Variants in MAST3 observed in about 807,000 individuals in gnomAD.
MAST3 encodes the protein microtubule associated serine/threonine kinase 3.
MAST3 carries 43 observed loss-of-function variants against 127.0 expected under a neutral mutation model. The observed-to-expected ratio is 0.34, with a 90% CI of 0.27 to 0.44. The LOEUF (loss-of-function observed/expected upper bound fraction) is 0.44, where lower values mean the gene tolerates loss of function less well. Among genes scored for constraint, MAST3 ranks in the 20% least tolerant of loss-of-function variants. The pLI, the probability that MAST3 is intolerant of heterozygous loss-of-function variation, is 1.00. For missense variants in MAST3, 1,390 were observed against 1,919.1 expected, an observed-to-expected ratio of 0.72 and a Z score of 5.15; for synonymous variants, 785 against 809.2, an observed-to-expected ratio of 0.97 and a Z score of 0.51.
chr19:18,147,002 G>C lies in MAST3; in HGVS notation c.3284G>C (p.Arg1095Pro), dbSNP rs368995098. The C allele has an allele frequency of 1.3e-6, 2 of 1,573,930 alleles. No individual in the cohort carries two copies. The highest frequency in any genetic ancestry group is 1.3e-5 in the African/African-American group (1 of 74,114). ...CGCAGGAGCAAGAGGAGCCGTCGGC[G>C]GGAGACCCAGGATCGGTGCGCGGCA... The part of the protein sequence containing the change: ...MARRSKRSRR[R>P]ETQDRCAAVT... The change falls in exon 26 of 28, where the codon CGG (arginine) becomes CCG (proline). Residue 1095 changes from arginine to proline, a missense_variant. Around this residue, in one of 5 missense-constraint regions of MAST3, gnomAD observed 816 missense variants for 934.1 expected, o/e 0.87. Transcript: ENST00000687212.
intron 21 of MAST3, among the ~76,000 whole-genome samples, chr19:18,142,989 G>A (rs746096285): frequency 6.6e-6 from 1 of 151,274 alleles, no homozygotes; most frequent in African/African-American, 2.4e-5. Context: ...GTGCACGCCT[G>A]TAATCCCAGC....
At chr19:18,136,191 C>T (rs982578263) in intron 18 of MAST3, among the ~76,000 whole-genome samples, 1 of 152,208 alleles carries the variant, frequency 6.6e-6, no homozygotes, top group African/African-American at 2.4e-5. Flanking sequence ...GTTTGAGACT[C>T]ATGCAGCCAC....
chr19:18,122,179 A>C lies in MAST3; in HGVS notation c.320+257A>C, dbSNP rs1001649146. 2.6e-5 allele frequency: 25 copies of C among 953,994 alleles called. No individual in the cohort carries two copies. In the Admixed American group the frequency reaches 6.2e-4, roughly 24 times the overall value. The allele number at this position is 953,994 out of a possible 1,614,324, so 59.1% of individuals were successfully genotyped here. A position where few individuals can be genotyped will look rare whatever the true frequency, so the allele number is the denominator to read the frequency against. On this transcript the variant is annotated intron_variant, in intron 5 of 27. Coordinates refer to ENST00000687212, the MANE Select transcript of MAST3 (RefSeq NM_001393504.1). The stretch of plus-strand genomic sequence containing the variant: ...GGGGTCATGGGGGGATATAGCCCTA[A>C]GAATCATTAACTCACTAAAGAAATC...
rs1435521840 is a variant in MAST3 at position 18,149,367 on chromosome 19, T to C, written c.3685T>C (p.Cys1229Arg). 3 of 1,483,676 alleles carry C rather than the reference T, an allele frequency of 2.0e-6. No individual in the cohort carries two copies. Among genetic ancestry groups the C allele is most frequent in the Admixed American group, 4.6e-5 (2 of 43,910 alleles). 91.9% of individuals were successfully genotyped at this position (1,483,676 alleles called of 1,614,324 possible). A position where few individuals can be genotyped will look rare whatever the true frequency, so the allele number is the denominator to read the frequency against. Residue 1229 changes from cysteine (C) to arginine (R), a missense_variant, in exon 28 of 28, where the codon TGC (cysteine) becomes CGC (arginine). By Grantham distance (180) the Cys-to-Arg change is radical. This residue lies in a region of MAST3 where 816 missense variants were observed against 934.1 expected (regional missense o/e 0.87). Coordinates refer to ENST00000687212, the MANE Select transcript of MAST3 (RefSeq NM_001393504.1). This position sits in a 1 kb window ranked among gnomAD's most constrained non-coding sequence, Gnocchi z 5.9. ...CAGCATCCCGCCCTCCCCGCTGGCCTGCCCGCCCATCTCCGCGCCCCCACC... is the reference window on the plus strand; with the variant it reads ...CAGCATCCCGCCCTCCCCGCTGGCCCGCCCGCCCATCTCCGCGCCCCCACC... Reference protein sequence around the residue: ...TSSIPPSPLACPPISAPPPRS... With the variant: ...TSSIPPSPLARPPISAPPPRS...
At position 18,134,859 on chromosome 19, in the gene MAST3, C is replaced by T. The variant is rs769818113; in HGVS notation, c.1747C>T (p.Arg583Cys). ...GTACATAGCCCCCGAGGTGATCTTC[C>T]GCCAGGGCTATGGGAAGCCAGTGGA... ...PEYIAPEVIF[R>C]QGYGKPVDWW... Residue 583 changes from arginine to cysteine, a missense_variant, in exon 17 of 28, where the codon CGC becomes TGC. By Grantham distance (180) the Arg-to-Cys change is radical. This residue lies in a region of MAST3 where 191 missense variants were observed against 409.0 expected (regional missense o/e 0.47). Transcript: ENST00000687212. 35 of 1,613,882 alleles carry T rather than the reference C, an allele frequency of 2.2e-5. No homozygotes were observed. The highest frequency in any genetic ancestry group is 2.0e-4 in the East Asian group (9 of 44,892).
Position 18,130,696 on chromosome 19 carries a change from G to A in MAST3, c.1426G>A (p.Val476Met), listed in dbSNP as rs758823702. ...RRHLCMVMEYVEGGDCATLLK... is the reference protein window; with the variant it reads ...RRHLCMVMEYMEGGDCATLLK... ...CCACCTATGTATGGTCATGGAATAC[G>A]TGGAAGGTACGCTCACTGGGGCTTG... Residue 476 changes from valine (V) to methionine (M), a missense_variant, in exon 14 of 28, where the codon GTG (valine) becomes ATG (methionine). Val to Met is a conservative substitution (Grantham distance 21). Coordinates refer to ENST00000687212, the MANE Select transcript of MAST3 (RefSeq NM_001393504.1). 2 of 1,613,458 alleles carry A rather than the reference G, an allele frequency of 1.2e-6. No individual in the cohort carries two copies. Among genetic ancestry groups the A allele is most frequent in the Non-Finnish European group, 1.7e-6 (2 of 1,179,712 alleles).
In MAST3 at chr19:18,128,383, C is replaced by T; in HGVS notation, c.1079-17C>T. ...AGGCAGGGAGGCTCCAGCTGAGCCT[C>T]CTCCCTCATCTTGCAGAGATGGTGC... On this transcript the variant is annotated splice_polypyrimidine_tract_variant and intron_variant, in intron 11 of 27. Transcript: ENST00000687212. The T allele has an allele frequency of 2.6e-6, 4 of 1,543,896 alleles. No homozygotes were observed. Among genetic ancestry groups the T allele is most frequent in the Non-Finnish European group, 3.5e-6 (4 of 1,146,570 alleles).
intron 21 of MAST3, 28 bp downstream of exon 21, chr19:18,142,043 AT>A: frequency 7.1e-7 from 1 of 1,415,370 alleles, no homozygotes; most frequent in Non-Finnish European, 9.3e-7. Context: ...GTGTAGGCAG[AT>A]CCAGCTTCCA....
chr19:18,124,933 C>CCCA (rs1555798757), intron 11 of MAST3, among the ~76,000 whole-genome samples, 159 bp downstream of exon 11: 2 of 135,860 alleles, frequency 1.5e-5, no homozygotes, highest in Non-Finnish European at 3.2e-5. Flanking sequence ...TGGTGGAAAC[C>CCCA]CCCCCCCTAC....
intron 1 of MAST3, among the ~76,000 whole-genome samples, chr19:18,103,461 C>T (rs919412233): frequency 6.6e-6 from 1 of 152,130 alleles, no homozygotes; most frequent in African/African-American, 2.4e-5. Context: ...TCGCTTGAAC[C>T]CAGGAGGTGG....
At chr19:18,142,093 G>T in intron 21 of MAST3, 78 bp downstream of exon 21, 1 of 1,320,476 alleles carries the variant, frequency 7.6e-7, no homozygotes, top group Non-Finnish European at 9.8e-7. Flanking sequence ...CTGATGCAAA[G>T]GGAGCTTCCT....
At chr19:18,101,612 C>T (rs2146788329) in intron 1 of MAST3, among the ~76,000 whole-genome samples, 1 of 152,222 alleles carries the variant, frequency 6.6e-6, no homozygotes, top group South Asian at 2.1e-4. Context: ...CTCTGTGTGC[C>T]TCCAACCCCT....
At position 18,110,189 on chromosome 19, in the gene MAST3, C is replaced by G; in HGVS notation, c.72-463C>G. On this transcript the variant is annotated intron_variant, in intron 2 of 27. Coordinates refer to ENST00000687212, the MANE Select transcript of MAST3 (RefSeq NM_001393504.1). The surrounding 1 kb of genome is among the most constrained non-coding windows in gnomAD (Gnocchi z 4.3). ...GGCCCAGCCCCCGCGTCTAGTCTGC[C>G]GCACCAGCCAGGCGTCTGTCCCTGC... 7.1e-6 allele frequency: 7 copies of G among 985,470 alleles called. No individual in the cohort carries two copies. The highest frequency in any genetic ancestry group is 8.4e-6 in the Non-Finnish European group (7 of 829,958). The allele number at this position is 985,470 out of a possible 1,614,324, so 61.0% of individuals were successfully genotyped here. A position where few individuals can be genotyped will look rare whatever the true frequency, so the allele number is the denominator to read the frequency against.
chr19:18,100,562 C>G (rs1207740491), intron 1 of MAST3, among the ~76,000 whole-genome samples: 1 of 152,070 alleles, frequency 6.6e-6, no homozygotes, highest in African/African-American at 2.4e-5. Context: ...TGGGAATAAC[C>G]GTTCATATTA....
chr19:18,134,769 C>T, intron 16 of MAST3, 48 bp from the exon 17 acceptor site: 3 of 1,613,588 alleles, frequency 1.9e-6, no homozygotes, highest in East Asian at 4.5e-5. Flanking sequence ...CCTGGGACCT[C>T]TCTTGGGCTG....
rs1171104905 is a variant in MAST3, at chr19:18,107,628, C to T, written c.71+10C>T. The T allele has an allele frequency of 1.9e-6, 3 of 1,612,000 alleles. No individual in the cohort carries two copies. Among genetic ancestry groups the T allele is most frequent in the Non-Finnish European group, 2.5e-6 (3 of 1,179,052 alleles). On this transcript the variant is annotated intron_variant, in intron 2 of 27. Transcript: ENST00000687212. ...CACGCCGAGGACGTGGGTGAGTTCA[C>T]CTGGGACTGGCGGGCTGGGTGGGCC...
chr19:18,132,586 G>A (rs551853834), intron 15 of MAST3, among the ~76,000 whole-genome samples: 15 of 152,256 alleles, frequency 9.9e-5, no homozygotes, highest in African/African-American at 3.4e-4. Flanking sequence ...TTTTATTCTG[G>A]TAGGTGGTAA....
rs117553425 is a variant in MAST3 at position 18,125,163 on chromosome 19, G to A, written c.1078+389G>A. ...CCAGGATTCAAACCCAGGCCCATCC[G>A]ATTCCAGAACCACCGCACTGTTCTT... On this transcript the variant is annotated intron_variant, in intron 11 of 27. Transcript: ENST00000687212. 8.4e-3 allele frequency among the ~76,000 whole-genome samples: 1,273 copies of A among 152,232 alleles called. 8 individuals are homozygous for A. Among genetic ancestry groups the A allele is most frequent in the Non-Finnish European group, 0.014 (919 of 68,002 alleles).
intron 26 of MAST3, 141 bp downstream of exon 26, chr19:18,147,185 C>A (rs1313396918): frequency 4.5e-6 from 2 of 443,424 alleles, no homozygotes; most frequent in African/African-American, 4.4e-5. Flanking sequence ...CTCACTGCAA[C>A]CTCCACCTCC....
Sources: allele counts gnomAD v4.1 joint callset (sites outside exome capture counted in the v4.1 genomes callset), GRCh38; gene constraint gnomAD v4.1.1; regional missense constraint gnomAD v4.1.1; non-coding constraint Gnocchi (gnomAD v3.1); transcripts MANE v1.5; gene names NCBI Gene and HGNC (gene_info 2026-07-23, HGNC 2026-07-21).